Variants in PTPRD observed in about 807,000 individuals in gnomAD.
PTPRD encodes protein tyrosine phosphatase receptor type D, also known as receptor-type tyrosine-protein phosphatase delta.
A neutral mutation model predicts 214.5 loss-of-function variants in PTPRD; 34 were observed. The ratio of observed to expected loss-of-function variants is 0.16; its 90% CI spans 0.12 to 0.21. The LOEUF (loss-of-function observed/expected upper bound fraction) is 0.21. PTPRD is among the 10% of genes least tolerant of loss of function. The pLI is 1.00. For missense variants in PTPRD, 2,545 were observed against 2,398.7 expected (o/e 1.06, Z -1.27); for synonymous variants, 1,128 against 845.7 (o/e 1.33, Z -5.79).
intron 2 of PTPRD, among the ~76,000 whole-genome samples, chr9:10,477,601 T>C (rs1424690783): frequency 6.6e-6 from 1 of 152,066 alleles, no homozygotes; most frequent in African/African-American, 2.4e-5. Context: ...GAACCAGAAA[T>C]ACCATTTGAC....
chr9:10,304,807 C>G (rs1468958610), intron 3 of PTPRD, among the ~76,000 whole-genome samples: 1 of 152,072 alleles, frequency 6.6e-6, no homozygotes, highest in Non-Finnish European at 1.5e-5. Flanking sequence ...TAGGAAGAAT[C>G]AATTCATGAA....
chr9:8,682,152 G>A (rs746345189), intron 12 of PTPRD, among the ~76,000 whole-genome samples: 13 of 150,780 alleles, frequency 8.6e-5, no homozygotes, highest in Non-Finnish European at 1.8e-4. Context: ...TGTGCAGAAT[G>A]TATGTGACTC....
At chr9:9,443,279 C>T (rs775667701) in intron 8 of PTPRD, among the ~76,000 whole-genome samples, 28 of 152,042 alleles carry the variant, frequency 1.8e-4, no homozygotes, top group Non-Finnish European at 2.2e-4. Context: ...GGACAGGATC[C>T]CAAGGGTCAA....
At chr9:9,554,286 G>C (rs184420058) in intron 8 of PTPRD, among the ~76,000 whole-genome samples, 1 of 152,020 alleles carries the variant, frequency 6.6e-6, no homozygotes, top group Admixed American at 6.6e-5. Flanking sequence ...AATGAGATTT[G>C]AGCATTTTAT....
chr9:9,450,980 C>CACAG (rs1313326033), intron 8 of PTPRD, among the ~76,000 whole-genome samples: 13 of 151,314 alleles, frequency 8.6e-5, no homozygotes, highest in Non-Finnish European at 1.5e-4. Flanking sequence ...CACACACACA[C>CACAG]ACACACAGAC....
intron 8 of PTPRD, among the ~76,000 whole-genome samples, chr9:9,476,271 G>A (rs1461709605): frequency 6.6e-6 from 1 of 152,138 alleles, no homozygotes; most frequent in East Asian, 1.9e-4. Flanking sequence ...TGAGGAAATA[G>A]ATGATTAGCA....
Position 10,236,483 on chromosome 9 carries a change from T to A in PTPRD, c.-545+104480A>T, listed in dbSNP as rs144920869. Among the ~76,000 whole-genome samples the A allele has an allele frequency of 3.9e-5, 6 of 152,078 alleles. No individual in the cohort carries two copies. The South Asian group carries it at 6.2e-4, about 16-fold the overall frequency. ...CAAGGGTTTGTTCAACAGATGGACA[T>A]AATTTGCATACTTGACTACCGCAGT... is the stretch of plus-strand genomic sequence containing the variant. On this transcript the variant is annotated intron_variant, in intron 3 of 45. Transcript: ENST00000381196.
intron 2 of PTPRD, among the ~76,000 whole-genome samples, chr9:10,515,046 A>G (rs2049572437): frequency 6.6e-6 from 1 of 152,026 alleles, no homozygotes; most frequent in African/African-American, 2.4e-5. Flanking sequence ...AAAATCACCT[A>G]AAAATTGACA....
At chr9:9,650,073 C>A (rs985646377) in intron 7 of PTPRD, among the ~76,000 whole-genome samples, 1 of 152,042 alleles carries the variant, frequency 6.6e-6, no homozygotes, top group African/African-American at 2.4e-5. Context: ...AAGGGAGGAA[C>A]CTGGTGGGAG....
intron 5 of PTPRD, among the ~76,000 whole-genome samples, chr9:9,805,546 A>C (rs1355932121): frequency 2.6e-5 from 4 of 152,184 alleles, no homozygotes; most frequent in African/African-American, 9.7e-5. Context: ...TTTACAAAAT[A>C]AAAAAGTAAA....
chr9:9,354,636 A>G (rs1226902018), intron 9 of PTPRD, among the ~76,000 whole-genome samples: 4 of 151,812 alleles, frequency 2.6e-5, no homozygotes, highest in Admixed American at 2.6e-4. Context: ...ATACACAACT[A>G]TAGCCAATAA....
intron 11 of PTPRD, among the ~76,000 whole-genome samples, chr9:8,925,108 C>T (rs191213604): frequency 3.2e-4 from 49 of 152,164 alleles, no homozygotes; most frequent in African/African-American, 1.2e-3. Flanking sequence ...AGGTTTCTGT[C>T]CTTTGTCCGA....
chr9:9,254,325 G>A (rs1468232984), intron 9 of PTPRD, among the ~76,000 whole-genome samples: 1 of 151,864 alleles, frequency 6.6e-6, no homozygotes, highest in East Asian at 1.9e-4. Context: ...CTGTCTGGTT[G>A]GATGTTGTAT....
chr9:9,833,474 C>T lies in PTPRD; in HGVS notation c.-367-66623G>A, dbSNP rs367597203. ...GGGCGAGATCACAGGACCACAGGACCGAGGCGAAATTAAAATTGCTAATGA... is the reference window on the plus strand; with the variant it reads ...GGGCGAGATCACAGGACCACAGGACTGAGGCGAAATTAAAATTGCTAATGA... On this transcript the variant is annotated intron_variant, in intron 5 of 45. Coordinates refer to ENST00000381196, the MANE Select transcript of PTPRD (RefSeq NM_002839.4). 4.2e-4 allele frequency among the ~76,000 whole-genome samples: 64 copies of T among 150,800 alleles called. 1 individual carries two copies. The East Asian group carries it at 0.012, about 28-fold the overall frequency.
intron 39 of PTPRD, among the ~76,000 whole-genome samples, chr9:8,350,654 C>T (rs1485382923): frequency 1.3e-5 from 2 of 152,068 alleles, no homozygotes; most frequent in African/African-American, 4.8e-5. Flanking sequence ...TTGGGGTTCA[C>T]TACAAAAAAC....
chr9:9,859,475 G>A (rs2062235316), intron 5 of PTPRD, among the ~76,000 whole-genome samples: 1 of 152,098 alleles, frequency 6.6e-6, no homozygotes, highest in Admixed American at 6.5e-5. Context: ...CATGCTATAT[G>A]TTATGCATTA....
chr9:8,388,410 G>C (rs148296243), intron 37 of PTPRD, among the ~76,000 whole-genome samples: 1 of 152,236 alleles, frequency 6.6e-6, no homozygotes, highest in African/African-American at 2.4e-5. Context: ...ATTCTTCAAT[G>C]AAAGTATCTG....
intron 39 of PTPRD, among the ~76,000 whole-genome samples, chr9:8,350,646 G>A (rs1387944669): frequency 6.6e-6 from 1 of 151,974 alleles, no homozygotes; most frequent in Non-Finnish European, 1.5e-5. Context: ...TACGATATTT[G>A]GGGTTCACTA....
chr9:8,749,024 AT>A (rs2093226227), intron 11 of PTPRD, among the ~76,000 whole-genome samples: 4 of 152,198 alleles, frequency 2.6e-5, no homozygotes, highest in African/African-American at 9.7e-5. Flanking sequence ...TTTATATATT[AT>A]ATACATTTAC....
Sources: allele counts gnomAD v4.1 joint callset (sites outside exome capture counted in the v4.1 genomes callset), GRCh38; gene constraint gnomAD v4.1.1; transcripts MANE v1.5; gene names NCBI Gene and HGNC (gene_info 2026-07-23, HGNC 2026-07-21).